The following CEP112 variants were observed in gnomAD, a reference collection of about 807,000 sequenced individuals.
The protein encoded by CEP112 is centrosomal protein 112, also known as centrosomal protein of 112 kDa.
Under a neutral mutation model 153.0 loss-of-function variants are expected in CEP112, and 127 were observed. The observed-to-expected ratio is 0.83, with a 90% confidence interval of 0.72 to 0.96. The LOEUF is 0.96. Among genes scored for constraint, CEP112 ranks in the 40% least tolerant of loss-of-function variants. The probability of loss-of-function intolerance (pLI) is 0.00; values close to 1 mark genes in which losing one functional copy is unlikely to be tolerated. For missense variants in CEP112, 1,089 were observed against 1,101.2 expected (o/e 0.99, Z 0.16); for synonymous variants, 358 against 374.4 (o/e 0.96, Z 0.51).
intron 17 of CEP112, among the ~76,000 whole-genome samples, chr17:65,965,934 C>A (rs773123205): frequency 1.3e-5 from 2 of 152,136 alleles, no homozygotes; most frequent in Non-Finnish European, 2.9e-5. Context: ...AATGCTGAAG[C>A]TTTGAAACAG....
rs187011324 is a variant in CEP112, at chr17:65,672,425, A to G, written c.2697+16704T>C. On this transcript the variant is annotated intron_variant, in intron 24 of 26. Coordinates refer to ENST00000535342, the MANE Select transcript of CEP112 (RefSeq NM_001199165.4). The stretch of plus-strand genomic sequence containing the variant: ...CAATCTTAGCCCAAGATTCATGTGA[A>G]GGAGAAAATGCTGAAGAATAACTAA... 3.6e-4 allele frequency among the ~76,000 whole-genome samples: 55 copies of G among 152,348 alleles called. No individual in the cohort carries two copies. The East Asian group carries it at 9.3e-3, about 26-fold the overall frequency.
chr17:66,002,451 T>C (rs944808987), intron 17 of CEP112, among the ~76,000 whole-genome samples: 4 of 151,972 alleles, frequency 2.6e-5, no homozygotes, highest in African/African-American at 9.7e-5. Flanking sequence ...ATGGAAGGAG[T>C]ATATCTGGTC....
At chr17:65,914,290 A>C (rs1213994550) in intron 19 of CEP112, among the ~76,000 whole-genome samples, 1 of 150,852 alleles carries the variant, frequency 6.6e-6, no homozygotes, top group Non-Finnish European at 1.5e-5. Context: ...TTGAATGAAC[A>C]TGAAATATAA....
At chr17:65,656,712 A>T (rs1379679998) in intron 24 of CEP112, among the ~76,000 whole-genome samples, 1 of 152,202 alleles carries the variant, frequency 6.6e-6, no homozygotes, top group African/African-American at 2.4e-5. Context: ...GACCCCTGTG[A>T]CTAGACCAAG....
rs1224839859 is a variant in CEP112, at chr17:66,168,483, A to G, written c.470+6561T>C. 4.2e-5 allele frequency among the ~76,000 whole-genome samples: 6 copies of G among 141,452 alleles called. No individual in the cohort carries two copies. The East Asian group carries it at 1.0e-3, about 24-fold the overall frequency. The allele number at this position is 141,452 out of a possible 152,430, so 92.8% of individuals were successfully genotyped here. On this transcript the variant is annotated intron_variant, in intron 4 of 26. Coordinates refer to ENST00000535342, the MANE Select transcript of CEP112 (RefSeq NM_001199165.4). ...TATATGTGTGTGTATATATGTATATATGTGTGTGTGTATATATATGTATAT... is the reference window on the plus strand; with the variant it reads ...TATATGTGTGTGTATATATGTATATGTGTGTGTGTGTATATATATGTATAT...
At chr17:65,700,196 T>A (rs2048559491) in intron 23 of CEP112, among the ~76,000 whole-genome samples, 1 of 152,112 alleles carries the variant, frequency 6.6e-6, no homozygotes, top group Non-Finnish European at 1.5e-5. Flanking sequence ...CACTGTGTCC[T>A]TCAGATCATT....
rs1172609481 is a variant in CEP112, at chr17:66,132,658, A to G, written c.564+12T>C. 6.3e-7 allele frequency: 1 copy of G among 1,591,562 alleles called. No individual in the cohort carries two copies. The highest frequency in any genetic ancestry group is 8.6e-7 in the Non-Finnish European group (1 of 1,159,692). On this transcript the variant is annotated intron_variant, in intron 5 of 26. Transcript: ENST00000535342. The stretch of plus-strand genomic sequence containing the variant: ...CAAGCAAAAACCAAACAAAAGTAAA[A>G]TCTAATCTTACACAAATCTTTGGGG...
intron 21 of CEP112, chr17:65,826,215 T>C: frequency 6.2e-7 from 1 of 1,614,212 alleles, no homozygotes. Context: ...TTGGGGACAT[T>C]ACCATTCTCT....
intron 18 of CEP112, among the ~76,000 whole-genome samples, chr17:65,946,275 T>C (rs2061646416): frequency 6.6e-6 from 1 of 152,266 alleles, no homozygotes; most frequent in Non-Finnish European, 1.5e-5. Flanking sequence ...AAAATGTTCC[T>C]ACATCTTCGT....
At position 65,743,170 on chromosome 17, in the gene CEP112, G is replaced by T. The variant is rs772030548; in HGVS notation, c.2505C>A (p.Asn835Lys). 2.5e-6 allele frequency: 4 copies of T among 1,612,684 alleles called. No homozygotes were observed. The highest frequency in any genetic ancestry group is 3.4e-6 in the Non-Finnish European group (4 of 1,179,512). ...QTTISSLKEE[N>K]SQQQLAAERR... ...TTTCTGCAGCAAGCTGCTGCTGGCT[G>T]TTCTCTTCTTTCAGAGAGGAAATGG... The change falls in exon 23 of 27, where the codon AAC becomes AAA. Residue 835 changes from asparagine to lysine, a missense_variant. Physicochemically the swap from Asn to Lys is moderately conservative, Grantham distance 94. Transcript: ENST00000535342.
At chr17:65,905,480 G>A (rs946376476) in intron 19 of CEP112, among the ~76,000 whole-genome samples, 2 of 152,190 alleles carry the variant, frequency 1.3e-5, no homozygotes, top group African/African-American at 4.8e-5. Context: ...GGAGAAACAG[G>A]AACACTTTTA....
In CEP112 at chr17:65,679,129, C is replaced by CTTTTTTTTT. The variant is rs57907674; in HGVS notation, c.2697+9991_2697+9999dup. 8.2e-4 allele frequency among the ~76,000 whole-genome samples: 26 copies of CTTTTTTTTT among 31,630 alleles called. 9 individuals carry two copies. Among genetic ancestry groups the CTTTTTTTTT allele is most frequent in the East Asian group, 3.0e-3 (3 of 992 alleles). 20.8% of individuals were successfully genotyped at this position (31,630 alleles called of 152,430 possible). ...AATGTCCTTGACACTGTGGTTCAAG[C>CTTTTTTTTT]TTTTTTTTTTTTTTTTTTTTTTTTT... On this transcript the variant is annotated intron_variant, in intron 24 of 26. Coordinates refer to ENST00000535342, the MANE Select transcript of CEP112 (RefSeq NM_001199165.4).
intron 8 of CEP112, among the ~76,000 whole-genome samples, chr17:66,076,304 C>T (rs2067493456): frequency 6.6e-6 from 1 of 152,074 alleles, no homozygotes; most frequent in African/African-American, 2.4e-5. Flanking sequence ...ACTAGGTAGC[C>T]TGGGGCAAGT....
chr17:66,189,499 T>C (rs926006114), intron 1 of CEP112, among the ~76,000 whole-genome samples: 1 of 84,442 alleles, frequency 1.2e-5, no homozygotes, highest in African/African-American at 3.7e-5. Context: ...CAAAACTCTG[T>C]CTCAAAAAAA....
rs767346784 is a variant in CEP112, at chr17:66,177,030, CAGA to C, written c.107-13_107-11del. 2 of 1,575,590 alleles carry C rather than the reference CAGA, an allele frequency of 1.3e-6. No homozygotes were observed. Among genetic ancestry groups the C allele is most frequent in the East Asian group, 2.2e-5 (1 of 44,544 alleles). On this transcript the variant is annotated splice_polypyrimidine_tract_variant and intron_variant, in intron 2 of 26. Coordinates refer to ENST00000535342, the MANE Select transcript of CEP112 (RefSeq NM_001199165.4). ...GCACACCTCTGCCGTTCTATAAATA[CAGA>C]AGAACTATTAGAAATTTTATTTTTT... is the stretch of plus-strand genomic sequence containing the variant.
At chr17:65,988,572 TTAAAA>T (rs2063483833) in intron 17 of CEP112, among the ~76,000 whole-genome samples, 1 of 151,986 alleles carries the variant, frequency 6.6e-6, no homozygotes, top group Non-Finnish European at 1.5e-5. Context: ...AACAAAGAAA[TTAAAA>T]TAATTGTTAA....
At chr17:66,007,911 T>C (rs573611766) in intron 16 of CEP112, among the ~76,000 whole-genome samples, 3 of 152,326 alleles carry the variant, frequency 2.0e-5, no homozygotes, top group South Asian at 2.1e-4. Flanking sequence ...CTTAGATTTA[T>C]TGCTAGCACT....
intron 22 of CEP112, among the ~76,000 whole-genome samples, chr17:65,748,824 T>A (rs570876406): frequency 6.6e-6 from 1 of 152,324 alleles, no homozygotes; most frequent in South Asian, 2.1e-4. Context: ...TGTTTTAACA[T>A]CAACTAATCA....
chr17:65,754,681 G>C (rs893530434), intron 21 of CEP112, among the ~76,000 whole-genome samples: 3 of 147,406 alleles, frequency 2.0e-5, no homozygotes, highest in African/African-American at 7.6e-5. Context: ...GGTTGGATCA[G>C]TGCAACCAGT....
Sources: gnomAD v4.1 joint callset for allele counts (sites outside exome capture counted in the v4.1 genomes callset) on GRCh38, gnomAD v4.1.1 for gene constraint, MANE v1.5 for transcripts, NCBI Gene and HGNC (gene_info 2026-07-23, HGNC 2026-07-21) for gene names.